Variants in SLC39A11 observed in about 807,000 individuals in gnomAD.
SLC39A11 encodes solute carrier family 39 member 11.
Under a neutral mutation model 36.1 loss-of-function variants are expected in SLC39A11, and 33 were observed. The ratio of observed to expected loss-of-function variants is 0.91; its 90% CI spans 0.69 to 1.22. The LOEUF (loss-of-function observed/expected upper bound fraction) is 1.22, where lower values mean the gene tolerates loss of function less well. SLC39A11 is among the 50% of genes most tolerant of loss of function. SLC39A11 has a pLI of 0.00. For synonymous variants in SLC39A11, 166 were observed against 170.3 expected (o/e 0.97, Z 0.20); for missense variants, 432 against 430.3 (o/e 1.00, Z -0.03).
At chr17:73,089,298 C>T (rs4969060) in intron 1 of SLC39A11, among the ~76,000 whole-genome samples, 81,661 of 150,798 alleles carry the variant, frequency 0.54, 22,235 homozygotes, top group East Asian at 0.79. Flanking sequence ...ACTTTTGATA[C>T]CCACCAACCC....
intron 1 of SLC39A11, among the ~76,000 whole-genome samples, chr17:73,090,142 G>T (rs1484777804): frequency 6.6e-6 from 1 of 152,192 alleles, no homozygotes; most frequent in Non-Finnish European, 1.5e-5. Flanking sequence ...TGCAGATCAA[G>T]AGCTGAAGAC....
chr17:73,058,410 G>C (rs2059737640), intron 3 of SLC39A11, among the ~76,000 whole-genome samples: 1 of 152,160 alleles, frequency 6.6e-6, no homozygotes, highest in African/African-American at 2.4e-5. Context: ...GTGGCCTTCT[G>C]ATCTCGTCTC....
intron 5 of SLC39A11, among the ~76,000 whole-genome samples, chr17:72,865,982 G>A (rs912717106): frequency 2.0e-5 from 3 of 152,192 alleles, no homozygotes; most frequent in Admixed American, 2.0e-4. Context: ...TCAGAGAGAG[G>A]AAGAGATGGA....
chr17:72,733,087 A>C (rs914421487), intron 7 of SLC39A11, among the ~76,000 whole-genome samples: 2 of 152,176 alleles, frequency 1.3e-5, no homozygotes, highest in Admixed American at 6.6e-5. Flanking sequence ...CAGTTCCCTG[A>C]CATCCAAGGG....
intron 7 of SLC39A11, among the ~76,000 whole-genome samples, chr17:72,732,601 G>A (rs1022544954): frequency 2.6e-5 from 4 of 152,166 alleles, no homozygotes; most frequent in African/African-American, 9.7e-5. Context: ...TTCTAGTTTT[G>A]TGAGTGCTAT....
chr17:73,018,225 A>G (rs1388247714), intron 4 of SLC39A11, among the ~76,000 whole-genome samples: 1 of 152,144 alleles, frequency 6.6e-6, no homozygotes. Flanking sequence ...ACAATAGACC[A>G]CTGACAATGT....
chr17:72,885,310 G>A (rs916302059), intron 5 of SLC39A11, among the ~76,000 whole-genome samples: 2 of 133,762 alleles, frequency 1.5e-5, no homozygotes, highest in African/African-American at 6.4e-5. Context: ...TGCAAATCAA[G>A]CATTGGTTCT....
intron 5 of SLC39A11, among the ~76,000 whole-genome samples, chr17:72,907,467 G>A (rs1044042142): frequency 2.0e-5 from 3 of 152,160 alleles, no homozygotes; most frequent in African/African-American, 7.2e-5. Context: ...TCCAGTCCAC[G>A]TGACAGAGTG....
chr17:72,714,831 G>C (rs1458158297), intron 7 of SLC39A11, among the ~76,000 whole-genome samples: 1 of 152,198 alleles, frequency 6.6e-6, no homozygotes, highest in Admixed American at 6.5e-5. Flanking sequence ...TGGGTTCATG[G>C]AGTGTTTCAC....
chr17:72,892,096 C>T (rs2081777896), intron 5 of SLC39A11, among the ~76,000 whole-genome samples: 1 of 152,042 alleles, frequency 6.6e-6, no homozygotes, highest in African/African-American at 2.4e-5. Flanking sequence ...TAAGGGAAAA[C>T]ATTAATAATT....
chr17:72,665,398 T>TTTTTTTTTG lies in SLC39A11; in HGVS notation c.672-16131_672-16130insCAAAAAAAA, dbSNP rs1555631665. Among the ~76,000 whole-genome samples, 20 of 130,264 alleles carry TTTTTTTTTG rather than the reference T, an allele frequency of 1.5e-4. 2 individuals carry two copies. The highest frequency in any genetic ancestry group is 2.8e-4 in the Non-Finnish European group (17 of 60,616). 85.5% of individuals were successfully genotyped at this position (130,264 alleles called of 152,430 possible). A position where few individuals can be genotyped will look rare whatever the true frequency, so the allele number is the denominator to read the frequency against. Reference sequence around the variant, plus strand: ...CACCAAGTTTTGAGGTGTTTTTTTTTTTTTTTTTTTTTGAGACAGGGTCTT... The same window carrying TTTTTTTTTG: ...CACCAAGTTTTGAGGTGTTTTTTTTTTTTTTTTTGTTTTTTTTTTTTGAGACAGGGTCTT... On this transcript the variant is annotated intron_variant, in intron 7 of 9. Transcript: ENST00000255559.
intron 5 of SLC39A11, among the ~76,000 whole-genome samples, chr17:72,939,515 G>A (rs2084966563): frequency 6.6e-6 from 1 of 151,758 alleles, no homozygotes; most frequent in Non-Finnish European, 1.5e-5. Flanking sequence ...GATGTAATTA[G>A]TTAAGAAGCA....
At chr17:73,032,015 C>T (rs1198990924) in intron 3 of SLC39A11, among the ~76,000 whole-genome samples, 1 of 152,118 alleles carries the variant, frequency 6.6e-6, no homozygotes, top group African/African-American at 2.4e-5. Flanking sequence ...TTGCCCTCCA[C>T]AGGACATTTG....
intron 4 of SLC39A11, among the ~76,000 whole-genome samples, chr17:73,030,863 C>T (rs79527388): frequency 0.031 from 4,673 of 152,302 alleles, 94 homozygotes; most frequent in Middle Eastern, 0.065. Flanking sequence ...TGCCAGGCTG[C>T]GGTTTGCACG....
chr17:72,925,364 G>A (rs371939437), intron 5 of SLC39A11, among the ~76,000 whole-genome samples: 17 of 152,164 alleles, frequency 1.1e-4, no homozygotes, highest in East Asian at 1.9e-4. Flanking sequence ...AATTTATGTC[G>A]TATATAAATA....
At chr17:72,863,353 T>G (rs908434160) in intron 5 of SLC39A11, among the ~76,000 whole-genome samples, 14 of 152,052 alleles carry the variant, frequency 9.2e-5, no homozygotes, top group Non-Finnish European at 2.1e-4. Flanking sequence ...CAAGAGCAAG[T>G]GTCAGCATAT....
rs1235841094 is a variant in SLC39A11, at chr17:73,009,742, AT to A, written c.306+21813del. Among the ~76,000 whole-genome samples the A allele has an allele frequency of 2.6e-5, 4 of 152,132 alleles. No individual in the cohort carries two copies. The East Asian group carries it at 5.8e-4, about 22-fold the overall frequency. Reference sequence around the variant, plus strand: ...TGTGAATTTCATCTCAATACAACAAATTTTTTTTATTATACTTTAAGTTCTA... The same window carrying A: ...TGTGAATTTCATCTCAATACAACAAATTTTTTTATTATACTTTAAGTTCTA... On this transcript the variant is annotated intron_variant, in intron 4 of 9. Transcript: ENST00000255559.
intron 7 of SLC39A11, among the ~76,000 whole-genome samples, chr17:72,734,240 G>A (rs146537890): frequency 2.5e-3 from 385 of 152,292 alleles, no homozygotes; most frequent in Non-Finnish European, 3.7e-3. Context: ...CAGACATTTA[G>A]AGAGGAGGGA....
chr17:72,695,072 G>T (rs11658152), intron 7 of SLC39A11, among the ~76,000 whole-genome samples: 48,448 of 151,994 alleles, frequency 0.32, 8,749 homozygotes, highest in Admixed American at 0.47. Context: ...GTTCTCTTTG[G>T]AAATCAAGGG....
Sources: allele counts gnomAD v4.1 joint callset (sites outside exome capture counted in the v4.1 genomes callset), GRCh38; gene constraint gnomAD v4.1.1; transcripts MANE v1.5; gene names NCBI Gene and HGNC (gene_info 2026-07-23, HGNC 2026-07-21).